Variants in RCL1 observed in about 807,000 individuals in gnomAD.
RCL1 encodes RNA terminal phosphate cyclase like 1, also known as RNA 3'-terminal phosphate cyclase-like protein.
Under a neutral mutation model 42.4 loss-of-function variants are expected in RCL1, and 24 were observed. The ratio of observed to expected loss-of-function variants is 0.57; its 90% CI spans 0.41 to 0.80. The LOEUF is 0.80. Ranked by LOEUF, RCL1 falls within the 30% of genes least tolerant of loss-of-function variation. The pLI, the probability that RCL1 is intolerant of heterozygous loss-of-function variation, is 0.00. For synonymous variants in RCL1, 228 were observed against 177.3 expected, an observed-to-expected ratio of 1.29 and a Z score of -2.27; for missense variants, 578 against 467.9, an observed-to-expected ratio of 1.24 and a Z score of -2.17.
chr9:4,823,169 C>G (rs1816650564), intron 1 of RCL1, among the ~76,000 whole-genome samples: 1 of 152,210 alleles, frequency 6.6e-6, no homozygotes. Context: ...AAATTGTTCC[C>G]TACTTTCTAC....
intron 3 of RCL1, among the ~76,000 whole-genome samples, chr9:4,829,215 C>G (rs142353838): frequency 1.3e-5 from 2 of 152,124 alleles, no homozygotes; most frequent in East Asian, 1.9e-4. Flanking sequence ...AAATCAGAAT[C>G]AGTCTGGGTT....
At chr9:4,833,013 C>T (rs1445095055) in intron 3 of RCL1, 141 bp from the exon 4 acceptor site, 6 of 614,368 alleles carry the variant, frequency 9.8e-6, no homozygotes, top group Non-Finnish European at 1.8e-5. Context: ...AGCCAGCCCA[C>T]TCGCTCAGTT....
chr9:4,839,341 G>GT (rs1404419878), intron 5 of RCL1, among the ~76,000 whole-genome samples: 2 of 152,146 alleles, frequency 1.3e-5, no homozygotes, highest in African/African-American at 4.8e-5. Flanking sequence ...AAGTGTCTTA[G>GT]TTTTTTTGTC....
chr9:4,839,723 A>G, intron 5 of RCL1: 1 of 984,004 alleles, frequency 1.0e-6, no homozygotes, highest in Non-Finnish European at 1.2e-6. Context: ...TTAAATATTT[A>G]TTGAGCATTT....
intron 2 of RCL1, 44 bp from the exon 3 acceptor site, chr9:4,826,814 A>C: frequency 2.0e-6 from 3 of 1,526,884 alleles, no homozygotes; most frequent in South Asian, 2.4e-5. Context: ...GTGACATTTT[A>C]GTTTTTTTCC....
intron 5 of RCL1, among the ~76,000 whole-genome samples, chr9:4,834,706 TC>T (rs1225382237): frequency 4.6e-5 from 7 of 150,930 alleles, no homozygotes; most frequent in African/African-American, 1.7e-4. Flanking sequence ...GTCAATTTTG[TC>T]TGGAGGACCT....
At chr9:4,804,496 G>C (rs1435638916) in intron 1 of RCL1, 2 of 152,392 alleles carry the variant, frequency 1.3e-5, no homozygotes, top group East Asian at 1.9e-4. Context: ...CCTGCCGGCT[G>C]CGGTGGAACT....
chr9:4,794,080 G>C (rs759940565), intron 1 of RCL1, among the ~76,000 whole-genome samples: 15 of 152,214 alleles, frequency 9.9e-5, no homozygotes, highest in Non-Finnish European at 2.9e-5. Flanking sequence ...ATCCCAAGTT[G>C]GGCGAGTCAG....
chr9:4,818,525 A>G (rs1489841238), intron 1 of RCL1, among the ~76,000 whole-genome samples: 2 of 152,230 alleles, frequency 1.3e-5, no homozygotes, highest in Admixed American at 6.5e-5. Flanking sequence ...TAATGAGGAA[A>G]GGAATGACTC....
chr9:4,813,281 T>C (rs976614254), intron 1 of RCL1, among the ~76,000 whole-genome samples: 6 of 152,158 alleles, frequency 3.9e-5, no homozygotes, highest in Non-Finnish European at 8.8e-5. Flanking sequence ...TTTTGCAATC[T>C]ACCCATCTGA....
At chr9:4,800,982 A>C (rs77368099) in intron 1 of RCL1, among the ~76,000 whole-genome samples, 1,747 of 152,062 alleles carry the variant, frequency 0.011, 33 homozygotes, top group African/African-American at 0.039. Flanking sequence ...TCCTATCTGT[A>C]GTGTATGAGG....
At position 4,809,342 on chromosome 9, in the gene RCL1, G is replaced by C. The variant is rs1816089147; in HGVS notation, c.137-14206G>C. ...TTGCTTTTTTTTTAAATGGAGTCTT[G>C]CTCTGTCGCCAGGCTGGAGTGCAGT... is the stretch of plus-strand genomic sequence containing the variant. On this transcript the variant is annotated intron_variant, in intron 1 of 8. Transcript: ENST00000381750. Among the ~76,000 whole-genome samples, 3 of 150,604 alleles carry C rather than the reference G, an allele frequency of 2.0e-5. No homozygotes were observed. In the South Asian group the frequency reaches 6.3e-4, roughly 31 times the overall value.
intron 7 of RCL1, 127 bp from the exon 8 acceptor site, chr9:4,849,320 C>T: frequency 1.5e-6 from 1 of 674,268 alleles, no homozygotes; most frequent in African/African-American, 1.8e-5. Context: ...GACCTGTATT[C>T]TGTTTTATTG....
chr9:4,833,948 G>T (rs568225499), intron 4 of RCL1, among the ~76,000 whole-genome samples, 193 bp from the exon 5 acceptor site: 42 of 152,316 alleles, frequency 2.8e-4, no homozygotes, highest in Non-Finnish European at 5.0e-4. Flanking sequence ...CTTGGACTTT[G>T]ACACATGCTG....
At chr9:4,846,894 C>CTTTTTTCCTTTTTCT (rs57427254) in intron 7 of RCL1, among the ~76,000 whole-genome samples, 4 of 148,606 alleles carry the variant, frequency 2.7e-5, no homozygotes, top group Admixed American at 2.7e-4. Context: ...TAATATTTTT[C>CTTTTTTCCTTTTTCT]TTTTTTTTTT....
In RCL1 at chr9:4,822,705, C is replaced by T. The variant is rs145742359; in HGVS notation, c.137-843C>T. Among the ~76,000 whole-genome samples, 7 of 152,170 alleles carry T rather than the reference C, an allele frequency of 4.6e-5. No homozygotes were observed. The East Asian group carries it at 1.2e-3, about 25-fold the overall frequency. ...GTGTAGTGGTGCACGTCTGTGGTCCCAGCTACTTGGGAGGCTGAGGCAGGA... is the reference window on the plus strand; with the variant it reads ...GTGTAGTGGTGCACGTCTGTGGTCCTAGCTACTTGGGAGGCTGAGGCAGGA... On this transcript the variant is annotated intron_variant, in intron 1 of 8. Coordinates refer to ENST00000381750, the MANE Select transcript of RCL1 (RefSeq NM_005772.5).
At chr9:4,798,988 T>C (rs1842955865) in intron 1 of RCL1, among the ~76,000 whole-genome samples, 1 of 151,408 alleles carries the variant, frequency 6.6e-6, no homozygotes, top group South Asian at 2.1e-4. Flanking sequence ...TTCTTTTCTT[T>C]TCTTTTCCTC....
intron 8 of RCL1, among the ~76,000 whole-genome samples, chr9:4,851,208 A>G (rs1470048417): frequency 6.6e-6 from 1 of 152,196 alleles, no homozygotes; most frequent in Non-Finnish European, 1.5e-5. Flanking sequence ...CTTGCATAAA[A>G]TGACTTCCTC....
intron 2 of RCL1, among the ~76,000 whole-genome samples, chr9:4,824,461 G>C (rs528315532): frequency 6.8e-6 from 1 of 147,174 alleles, no homozygotes; most frequent in African/African-American, 2.5e-5. Context: ...ATATTTCTGT[G>C]GGTTGTAGTA....
Sources: allele counts gnomAD v4.1 joint callset (sites outside exome capture counted in the v4.1 genomes callset), GRCh38; gene constraint gnomAD v4.1.1; transcripts MANE v1.5; gene names NCBI Gene and HGNC (gene_info 2026-07-23, HGNC 2026-07-21).